SCARA5: variants seen among roughly 807,000 people sequenced by gnomAD.
The protein encoded by SCARA5 is scavenger receptor class A, member 5 (putative).
A neutral mutation model predicts 46.3 loss-of-function variants in SCARA5; 45 were observed. That is an observed-to-expected ratio of 0.97 (90% CI 0.76 to 1.24). The LOEUF (loss-of-function observed/expected upper bound fraction) is 1.24. Ranked by LOEUF, SCARA5 falls within the 50% of genes most tolerant of loss-of-function variation. The probability of loss-of-function intolerance (pLI) is 0.00; values close to 1 mark genes in which losing one functional copy is unlikely to be tolerated. For missense variants in SCARA5, 680 were observed against 689.0 expected, an observed-to-expected ratio of 0.99 and a Z score of 0.15; for synonymous variants, 333 against 306.5, an observed-to-expected ratio of 1.09 and a Z score of -0.90.
Position 27,912,224 on chromosome 8 carries a change from T to C in SCARA5, c.917-2481A>G, listed in dbSNP as rs140487403. On this transcript the variant is annotated intron_variant, in intron 4 of 8. Transcript: ENST00000354914. ...AACGTCTTGCACAATAAATATTTGA[T>C]GAATGAATGAGTATATAAGATCAGA... Among the ~76,000 whole-genome samples, 388 of 152,274 alleles carry C rather than the reference T, an allele frequency of 2.5e-3. 4 individuals are homozygous for C. Among genetic ancestry groups the C allele is most frequent in the African/African-American group, 8.8e-3 (367 of 41,540 alleles).
intron 7 of SCARA5, among the ~76,000 whole-genome samples, chr8:27,884,217 C>T (rs1301190702): frequency 6.6e-6 from 1 of 152,228 alleles, no homozygotes; most frequent in African/African-American, 2.4e-5. Flanking sequence ...TCTCCCCACA[C>T]AGACTGCAAA....
intron 2 of SCARA5, among the ~76,000 whole-genome samples, chr8:27,985,977 G>T (rs1808699652): frequency 6.6e-6 from 1 of 152,240 alleles, no homozygotes; most frequent in Admixed American, 6.5e-5. Flanking sequence ...TAGGAAGTGG[G>T]TATGGTGGTC....
intron 3 of SCARA5, among the ~76,000 whole-genome samples, chr8:27,955,094 C>T (rs1346570175): frequency 6.6e-6 from 1 of 152,204 alleles, no homozygotes; most frequent in Admixed American, 6.5e-5. Flanking sequence ...TCACTTCTGA[C>T]ACCATTGTCA....
rs559512902 is a variant in SCARA5, at chr8:27,876,986, C to A, written c.1351+2583G>T. On this transcript the variant is annotated intron_variant, in intron 8 of 8. Transcript: ENST00000354914. ...GCTTTCCCTCCTCTCGGCCCCATGA[C>A]TACAACAGCATTAAAACCCTTGGCA... 5.3e-5 allele frequency among the ~76,000 whole-genome samples: 8 copies of A among 152,234 alleles called. No individual in the cohort carries two copies. In the South Asian group the frequency reaches 1.7e-3, roughly 32 times the overall value.
intron 3 of SCARA5, among the ~76,000 whole-genome samples, chr8:27,941,842 T>TA (rs60315647): frequency 2.7e-5 from 4 of 147,402 alleles, no homozygotes; most frequent in Non-Finnish European, 6.0e-5. Context: ...TTATTATTAT[T>TA]TTGAGGCAGA....
At chr8:27,905,523 T>TGGCGGGAGG in intron 6 of SCARA5, among the ~76,000 whole-genome samples, 1 of 53,696 alleles carries the variant, frequency 1.9e-5, no homozygotes, top group African/African-American at 5.0e-5. Context: ...ATCCAAGATT[T>TGGCGGGAGG]GGGGGGGGGA....
At chr8:27,944,394 G>A (rs1807999820) in intron 3 of SCARA5, among the ~76,000 whole-genome samples, 1 of 152,112 alleles carries the variant, frequency 6.6e-6, no homozygotes, top group African/African-American at 2.4e-5. Flanking sequence ...GGTGAAGTTT[G>A]CAACTCACTG....
intron 7 of SCARA5, among the ~76,000 whole-genome samples, chr8:27,889,339 G>C (rs1046348588): frequency 6.6e-6 from 1 of 152,192 alleles, no homozygotes; most frequent in Non-Finnish European, 1.5e-5. Context: ...CATCATCTTT[G>C]GGCTTTTCCA....
At chr8:27,931,632 T>G (rs1445889512) in intron 3 of SCARA5, among the ~76,000 whole-genome samples, 2 of 152,188 alleles carry the variant, frequency 1.3e-5, no homozygotes, top group East Asian at 3.9e-4. Context: ...AACAGCTTTT[T>G]TCCTGCTTTT....
In SCARA5 at chr8:27,992,510, G is replaced by C. The variant is rs1321906511; in HGVS notation, c.-269C>G. The stretch of plus-strand genomic sequence containing the variant: ...AGATGCAACCTGTGGCAGAGTGGGG[G>C]TCTGGGCCTGGGGGACCCAGAATGG... On this transcript the variant is annotated 5_prime_UTR_variant, in exon 1 of 9. Coordinates refer to ENST00000354914, the MANE Select transcript of SCARA5 (RefSeq NM_173833.6). 6.6e-6 allele frequency: 1 copy of C among 152,650 alleles called. No individual in the cohort carries two copies. Among genetic ancestry groups the C allele is most frequent in the African/African-American group, 2.4e-5 (1 of 41,470 alleles). 9.5% of individuals were successfully genotyped at this position (152,650 alleles called of 1,614,324 possible).
chr8:27,961,872 ATC>A (rs1173781878), intron 3 of SCARA5, among the ~76,000 whole-genome samples: 1 of 152,220 alleles, frequency 6.6e-6, no homozygotes, highest in Non-Finnish European at 1.5e-5. Flanking sequence ...TGAAATAATC[ATC>A]TTTTTTTTCT....
At chr8:27,983,819 G>T (rs190335675) in intron 2 of SCARA5, among the ~76,000 whole-genome samples, 149 of 152,290 alleles carry the variant, frequency 9.8e-4, no homozygotes, top group African/African-American at 3.4e-3. Context: ...CACCAGGGAA[G>T]GCTGCATCTT....
intron 7 of SCARA5, among the ~76,000 whole-genome samples, chr8:27,896,224 C>A (rs912863862): frequency 3.3e-5 from 5 of 152,190 alleles, no homozygotes; most frequent in Non-Finnish European, 5.9e-5. Flanking sequence ...TTGCTGTACA[C>A]CCTGTGGGGA....
Position 27,871,828 on chromosome 8 carries a change from C to G in SCARA5, c.*106G>C. Reference sequence around the variant, plus strand: ...AGGTGTGAGGACTGAGAATGCTGGACGGGGTGTGGTCGAGGCATGGTCAGG... The same window carrying G: ...AGGTGTGAGGACTGAGAATGCTGGAGGGGGTGTGGTCGAGGCATGGTCAGG... On this transcript the variant is annotated 3_prime_UTR_variant, in exon 9 of 9. Transcript: ENST00000354914. 6.4e-7 allele frequency: 1 copy of G among 1,571,830 alleles called. No homozygotes were observed. Among genetic ancestry groups the G allele is most frequent in the Non-Finnish European group, 8.6e-7 (1 of 1,159,546 alleles).
At chr8:27,900,464 TCCCTAAATACTGAAAACATGTAC>T (rs1354485566) in intron 7 of SCARA5, among the ~76,000 whole-genome samples, 1 of 152,146 alleles carries the variant, frequency 6.6e-6, no homozygotes, top group Non-Finnish European at 1.5e-5. Flanking sequence ...CAGACTTACT[TCCCTAAATACTGAAAACATGTAC>T]GAAGTGTTAA....
chr8:27,974,434 A>G (rs1290710203), intron 2 of SCARA5, among the ~76,000 whole-genome samples: 2 of 152,134 alleles, frequency 1.3e-5, no homozygotes, highest in Non-Finnish European at 2.9e-5. Context: ...TTATTTCCAA[A>G]GAAACTGGCT....
chr8:27,902,322 G>A (rs73237395), intron 7 of SCARA5, among the ~76,000 whole-genome samples: 12,506 of 151,796 alleles, frequency 0.082, 637 homozygotes, highest in Middle Eastern at 0.14. Context: ...CTCCCCCCAC[G>A]CCTCCCCACC....
chr8:27,921,182 T>C (rs1190735968), intron 4 of SCARA5, among the ~76,000 whole-genome samples: 1 of 152,240 alleles, frequency 6.6e-6, no homozygotes, highest in African/African-American at 2.4e-5. Context: ...AGCCCCTCTC[T>C]ACTCCCGGCC....
intron 3 of SCARA5, among the ~76,000 whole-genome samples, chr8:27,941,126 T>C (rs1253269686): frequency 6.6e-6 from 1 of 152,174 alleles, no homozygotes; most frequent in Non-Finnish European, 1.5e-5. Flanking sequence ...ATACGTCTTA[T>C]ATTTACCATG....
Sources: allele counts gnomAD v4.1 joint callset (sites outside exome capture counted in the v4.1 genomes callset), GRCh38; gene constraint gnomAD v4.1.1; transcripts MANE v1.5; gene names NCBI Gene and HGNC (gene_info 2026-07-23, HGNC 2026-07-21).